TMEM132B: variants seen among roughly 807,000 people sequenced by gnomAD.
TMEM132B encodes transmembrane protein 132B.
In TMEM132B, 18 loss-of-function variants were observed where a neutral mutation model predicts 90.8. The observed-to-expected ratio is 0.20, with a 90% CI of 0.14 to 0.29. TMEM132B has a LOEUF of 0.29. Among genes scored for constraint, TMEM132B ranks in the 10% least tolerant of loss-of-function variants. TMEM132B has a pLI of 1.00. For missense variants in TMEM132B, 1,096 were observed against 1,326.8 expected, an observed-to-expected ratio of 0.83 and a Z score of 2.70; for synonymous variants, 504 against 523.3, an observed-to-expected ratio of 0.96 and a Z score of 0.50.
intron 3 of TMEM132B, among the ~76,000 whole-genome samples, chr12:125,512,011 CCCG>C (rs1882995002): frequency 6.6e-6 from 1 of 152,106 alleles, no homozygotes; most frequent in Admixed American, 6.5e-5. Flanking sequence ...CATGCCATGT[CCCG>C]CCCTATGGAC....
chr12:125,198,385 G>A (rs142790667), intron 1 of TMEM132B, among the ~76,000 whole-genome samples: 3,120 of 152,284 alleles, frequency 0.02, 110 homozygotes, highest in African/African-American at 0.071. Context: ...TGGTCTCTTA[G>A]TTCTTTTTCT....
intron 5 of TMEM132B, among the ~76,000 whole-genome samples, chr12:125,590,970 T>C (rs1885302557): frequency 6.6e-6 from 1 of 152,070 alleles, no homozygotes; most frequent in Non-Finnish European, 1.5e-5. Context: ...CATCTAAAAT[T>C]GTCACTCTTG....
intron 3 of TMEM132B, among the ~76,000 whole-genome samples, chr12:125,489,452 A>G (rs1169631921): frequency 6.6e-6 from 1 of 152,036 alleles, no homozygotes; most frequent in Non-Finnish European, 1.5e-5. Flanking sequence ...TCTTTTGCCC[A>G]GGTTGGAATG....
chr12:125,528,655 T>C (rs1360270655), intron 4 of TMEM132B, among the ~76,000 whole-genome samples: 1 of 152,190 alleles, frequency 6.6e-6, no homozygotes, highest in African/African-American at 2.4e-5. Context: ...CTTTGAACAA[T>C]GCAGGCATTA....
chr12:125,588,755 G>A (rs1885236509), intron 5 of TMEM132B, among the ~76,000 whole-genome samples: 1 of 152,188 alleles, frequency 6.6e-6, no homozygotes, highest in Non-Finnish European at 1.5e-5. Context: ...TTTGGGGGAA[G>A]TCTAGATGAG....
At chr12:125,265,215 T>G (rs866017725) in intron 1 of TMEM132B, among the ~76,000 whole-genome samples, 1 of 152,342 alleles carries the variant, frequency 6.6e-6, no homozygotes, top group Middle Eastern at 3.4e-3. Flanking sequence ...TGACTGTATG[T>G]AGATATAGTA....
Position 125,654,410 on chromosome 12 carries a change from G to A in TMEM132B, c.2952G>A (p.Glu984=), listed in dbSNP as rs769145035. 1 of 1,613,404 alleles carries A rather than the reference G, an allele frequency of 6.2e-7. No individual in the cohort carries two copies. The highest frequency in any genetic ancestry group is 1.1e-5 in the South Asian group (1 of 91,036). The change falls in exon 9 of 9, where the codon GAG becomes GAA. Residue 984 remains glutamate (E), a synonymous_variant. Coordinates refer to ENST00000682704, the MANE Select transcript of TMEM132B (RefSeq NM_001366854.1). This position sits in a 1 kb window ranked among gnomAD's most constrained non-coding sequence, Gnocchi z 5.8. ...TGATAGACAGGGGCCTGCAGTTCGA[G>A]GAGAGGAACTTCCTTCTGAATGGCA... ...TTMIDRGLQF[E]ERNFLLNGSS... is the part of the protein sequence containing the mutation.
chr12:125,572,159 T>C (rs545418667), intron 4 of TMEM132B, among the ~76,000 whole-genome samples: 4 of 152,362 alleles, frequency 2.6e-5, no homozygotes, highest in Admixed American at 1.3e-4. Context: ...TTTCAGGACA[T>C]ACAATGCATA....
intron 4 of TMEM132B, among the ~76,000 whole-genome samples, chr12:125,539,216 T>G (rs957649734): frequency 5.3e-5 from 8 of 152,206 alleles, no homozygotes; most frequent in Non-Finnish European, 8.8e-5. Flanking sequence ...TCTGTGTGCC[T>G]TCTCTTGCCC....
chr12:125,456,728 T>C (rs1367505203), intron 3 of TMEM132B, among the ~76,000 whole-genome samples: 1 of 152,204 alleles, frequency 6.6e-6, no homozygotes, highest in Non-Finnish European at 1.5e-5. Context: ...CTGTGCTCCC[T>C]GGAGGCAAAG....
At chr12:125,643,617 G>A (rs118000575) in intron 5 of TMEM132B, among the ~76,000 whole-genome samples, 83 of 152,280 alleles carry the variant, frequency 5.5e-4, no homozygotes, top group East Asian at 5.4e-3. Context: ...TTAATCTAGT[G>A]CAAAGCTCTC....
chr12:125,412,613 G>A (rs897075335), intron 2 of TMEM132B, among the ~76,000 whole-genome samples: 1 of 152,166 alleles, frequency 6.6e-6, no homozygotes, highest in Non-Finnish European at 1.5e-5. Flanking sequence ...TGAGAACAAC[G>A]GTGACAGGCC....
At chr12:125,377,807 A>G (rs949131889) in intron 2 of TMEM132B, among the ~76,000 whole-genome samples, 5 of 152,178 alleles carry the variant, frequency 3.3e-5, no homozygotes, top group African/African-American at 7.2e-5. Flanking sequence ...GCTGCTTGCT[A>G]TGGGTTCACT....
chr12:125,237,028 C>T (rs904530703), intron 1 of TMEM132B, among the ~76,000 whole-genome samples: 1 of 152,246 alleles, frequency 6.6e-6, no homozygotes, highest in Non-Finnish European at 1.5e-5. Context: ...TCAAGCCCCA[C>T]TGAGTGTCCT....
chr12:125,463,508 C>T (rs187458794), intron 3 of TMEM132B, among the ~76,000 whole-genome samples: 46 of 152,198 alleles, frequency 3.0e-4, no homozygotes, highest in East Asian at 7.7e-4. Context: ...TCTCTGTTTA[C>T]GATTGTGATT....
At chr12:125,484,610 A>G (rs150697050) in intron 3 of TMEM132B, among the ~76,000 whole-genome samples, 3 of 151,944 alleles carry the variant, frequency 2.0e-5, no homozygotes, top group African/African-American at 4.8e-5. Flanking sequence ...CCTGGTCTCT[A>G]TGTTGTTTCT....
chr12:125,433,507 C>CT (rs540659092), intron 3 of TMEM132B, among the ~76,000 whole-genome samples: 20,446 of 139,960 alleles, frequency 0.15, 1,259 homozygotes, highest in Admixed American at 0.19. Flanking sequence ...TTTGTATTTT[C>CT]TTTTTTTTTT....
chr12:125,647,438 A>G (rs1886794288), intron 6 of TMEM132B, among the ~76,000 whole-genome samples: 3 of 152,258 alleles, frequency 2.0e-5, no homozygotes, highest in Admixed American at 1.3e-4. Context: ...TGAAAATTAA[A>G]GACAAAGACA....
chr12:125,330,351 T>G (rs1876729505), intron 1 of TMEM132B, among the ~76,000 whole-genome samples: 3 of 124,248 alleles, frequency 2.4e-5, no homozygotes, highest in Non-Finnish European at 5.0e-5. Context: ...TTTTTTTTTT[T>G]GCAGCCATGA....
Sources: gnomAD v4.1 joint callset for allele counts (sites outside exome capture counted in the v4.1 genomes callset) on GRCh38, gnomAD v4.1.1 for gene constraint, Gnocchi (gnomAD v3.1) non-coding constraint, MANE v1.5 for transcripts, NCBI Gene and HGNC (gene_info 2026-07-23, HGNC 2026-07-21) for gene names.